MYO1D: variants seen among roughly 807,000 people sequenced by gnomAD.
The protein encoded by MYO1D is myosin ID, also known as unconventional myosin-Id.
Under a neutral mutation model 122.0 loss-of-function variants are expected in MYO1D, and 83 were observed. The observed-to-expected ratio is 0.68, with a 90% confidence interval of 0.57 to 0.82. The LOEUF (loss-of-function observed/expected upper bound fraction) is 0.82, where lower values mean the gene tolerates loss of function less well. Among genes scored for constraint, MYO1D ranks in the 40% least tolerant of loss-of-function variants. The pLI is 0.00. For synonymous variants in MYO1D, 464 were observed against 446.9 expected, an observed-to-expected ratio of 1.04 and a Z score of -0.48; for missense variants, 1,157 against 1,269.5, an observed-to-expected ratio of 0.91 and a Z score of 1.35.
intron 14 of MYO1D, among the ~76,000 whole-genome samples, chr17:32,735,836 C>G (rs1187266941): frequency 6.6e-6 from 1 of 151,840 alleles, no homozygotes; most frequent in Non-Finnish European, 1.5e-5. Context: ...ATTCTATGTT[C>G]TTTCACATGA....
intron 19 of MYO1D, among the ~76,000 whole-genome samples, chr17:32,651,741 T>C (rs2088393981): frequency 6.7e-6 from 1 of 150,320 alleles, no homozygotes; most frequent in African/African-American, 2.4e-5. Flanking sequence ...AGTGGCACGA[T>C]CTCGGCTCAC....
At chr17:32,864,126 A>C (rs2151089364) in intron 1 of MYO1D, among the ~76,000 whole-genome samples, 1 of 138,574 alleles carries the variant, frequency 7.2e-6, no homozygotes, top group Middle Eastern at 4.2e-3. Flanking sequence ...ATGTGATAGC[A>C]TTTTTTCCCA....
At chr17:32,769,910 C>T (rs914199919) in intron 6 of MYO1D, among the ~76,000 whole-genome samples, 1 of 152,132 alleles carries the variant, frequency 6.6e-6, no homozygotes, top group African/African-American at 2.4e-5. Context: ...GGGGACTCTA[C>T]ACGACTTGGT....
chr17:32,501,486 G>GA (rs1909316845), intron 21 of MYO1D, among the ~76,000 whole-genome samples: 1 of 152,192 alleles, frequency 6.6e-6, no homozygotes. Context: ...GAATGGACAG[G>GA]CCTTGGTGGG....
At chr17:32,540,973 A>C (rs1371522977) in intron 21 of MYO1D, among the ~76,000 whole-genome samples, 1 of 151,892 alleles carries the variant, frequency 6.6e-6, no homozygotes, top group Non-Finnish European at 1.5e-5. Flanking sequence ...GGAATGGAGA[A>C]ATTAGAAGCT....
chr17:32,815,704 G>A (rs1426305380), intron 1 of MYO1D, among the ~76,000 whole-genome samples: 1 of 152,130 alleles, frequency 6.6e-6, no homozygotes, highest in Non-Finnish European at 1.5e-5. Context: ...TCTGTGCAGA[G>A]TTCATTGGCC....
At chr17:32,507,555 C>T (rs1006980404) in intron 21 of MYO1D, among the ~76,000 whole-genome samples, 1 of 152,186 alleles carries the variant, frequency 6.6e-6, no homozygotes, top group African/African-American at 2.4e-5. Context: ...ATTAGCATCA[C>T]ATAGAAACCA....
At position 32,805,910 on chromosome 17, in the gene MYO1D, A is replaced by G. The variant is rs538338386; in HGVS notation, c.96-25126T>C. ...TATTCTCAGGTTATCTGCAACTTCA[A>G]CGAATAAACTGCCTTCTGGGGTTTG... On this transcript the variant is annotated intron_variant, in intron 1 of 21. Transcript: ENST00000318217. Among the ~76,000 whole-genome samples the G allele has an allele frequency of 4.1e-4, 63 of 152,314 alleles. No homozygotes were observed. The South Asian group carries it at 0.013, about 31-fold the overall frequency.
At chr17:32,663,806 T>C (rs1422591822) in intron 16 of MYO1D, among the ~76,000 whole-genome samples, 6 of 152,212 alleles carry the variant, frequency 3.9e-5, no homozygotes, top group African/African-American at 1.4e-4. Context: ...TCAAAAGTAG[T>C]ACGACTTTTC....
chr17:32,746,749 A>C (rs1006998951), intron 12 of MYO1D, among the ~76,000 whole-genome samples: 5 of 152,226 alleles, frequency 3.3e-5, no homozygotes, highest in African/African-American at 1.2e-4. Flanking sequence ...TAAGAAGTGA[A>C]GAGGAAGTCT....
chr17:32,684,866 T>C (rs1274983121), intron 16 of MYO1D, among the ~76,000 whole-genome samples: 1 of 152,238 alleles, frequency 6.6e-6, no homozygotes, highest in Non-Finnish European at 1.5e-5. Context: ...ATTTTCCTTT[T>C]ACATAAAAAT....
At chr17:32,554,694 G>A (rs2087053201) in intron 21 of MYO1D, among the ~76,000 whole-genome samples, 1 of 152,066 alleles carries the variant, frequency 6.6e-6, no homozygotes, top group African/African-American at 2.4e-5. Context: ...TATATAAAAA[G>A]CTCCTAAAAA....
chr17:32,599,610 G>T (rs745804772), intron 21 of MYO1D, among the ~76,000 whole-genome samples: 2 of 152,114 alleles, frequency 1.3e-5, no homozygotes, highest in Non-Finnish European at 2.9e-5. Flanking sequence ...TCCATCAGAG[G>T]AATCACTATT....
At chr17:32,873,523 A>G (rs1387552321) in intron 1 of MYO1D, among the ~76,000 whole-genome samples, 1 of 152,188 alleles carries the variant, frequency 6.6e-6, no homozygotes, top group Non-Finnish European at 1.5e-5. Context: ...AACCACCAAT[A>G]TTCCAGGAGA....
At chr17:32,516,974 A>C (rs1183975910) in intron 21 of MYO1D, among the ~76,000 whole-genome samples, 1 of 152,242 alleles carries the variant, frequency 6.6e-6, no homozygotes, top group African/African-American at 2.4e-5. Flanking sequence ...ACAATGGCAC[A>C]ACAAATTAGC....
At chr17:32,765,179 A>T (rs2090043212) in intron 7 of MYO1D, 98 bp from the exon 8 acceptor site, 1 of 928,072 alleles carries the variant, frequency 1.1e-6, no homozygotes, top group East Asian at 2.6e-5. Flanking sequence ...GTTTGTACCT[A>T]TTTTCCTAAA....
intron 20 of MYO1D, among the ~76,000 whole-genome samples, chr17:32,630,121 A>AAT (rs1344194694): frequency 1.3e-5 from 2 of 152,248 alleles, no homozygotes; most frequent in African/African-American, 4.8e-5. Flanking sequence ...AATATTTATA[A>AAT]AGATGTGTAT....
intron 20 of MYO1D, among the ~76,000 whole-genome samples, chr17:32,606,444 G>T (rs1198472234): frequency 1.3e-5 from 2 of 152,180 alleles, no homozygotes; most frequent in African/African-American, 4.8e-5. Context: ...AAAAATGGAT[G>T]TCAAGAAAAT....
At chr17:32,823,400 G>T (rs1232290228) in intron 1 of MYO1D, among the ~76,000 whole-genome samples, 3 of 152,110 alleles carry the variant, frequency 2.0e-5, no homozygotes, top group Non-Finnish European at 4.4e-5. Flanking sequence ...TACAGAGAAG[G>T]AAACTGAGGC....
Sources: allele counts gnomAD v4.1 joint callset (sites outside exome capture counted in the v4.1 genomes callset), GRCh38; gene constraint gnomAD v4.1.1; transcripts MANE v1.5; gene names NCBI Gene and HGNC (gene_info 2026-07-23, HGNC 2026-07-21).